Variants in GCM1 observed in about 807,000 individuals in gnomAD.
GCM1 encodes the protein chorion-specific transcription factor GCMa.
A neutral mutation model predicts 25.7 loss-of-function variants in GCM1; 2 were observed. That is an observed-to-expected ratio of 0.08 (90% confidence interval 0.03 to 0.24). The LOEUF (loss-of-function observed/expected upper bound fraction) is 0.24, where lower values mean the gene tolerates loss of function less well. Ranked by LOEUF, GCM1 falls within the 10% of genes least tolerant of loss-of-function variation. GCM1 has a pLI of 1.00. For missense variants in GCM1, 395 were observed against 538.7 expected, an observed-to-expected ratio of 0.73 and a Z score of 2.64; for synonymous variants, 183 against 195.7, an observed-to-expected ratio of 0.94 and a Z score of 0.54.
intron 2 of GCM1, among the ~76,000 whole-genome samples, chr6:53,137,842 G>A (rs1763821128): frequency 6.6e-6 from 1 of 152,192 alleles, no homozygotes; most frequent in Admixed American, 6.5e-5. Context: ...GAACCAGAAG[G>A]AGCGGAATGT....
At chr6:53,143,227 T>C (rs1457718648) in intron 2 of GCM1, among the ~76,000 whole-genome samples, 3 of 152,236 alleles carry the variant, frequency 2.0e-5, no homozygotes, top group Admixed American at 1.3e-4. Context: ...AATACATTTC[T>C]AAAACCAAAT....
rs1300834157 is a variant in GCM1, at chr6:53,130,792, T to C, written c.570+11A>G. ...TACTGCATGTATTGAACATACATAA[T>C]GAAGGATTACCCTGGTCTCTGTGCT... is the stretch of plus-strand genomic sequence containing the variant. On this transcript the variant is annotated intron_variant, in intron 5 of 5. Coordinates refer to ENST00000259803, the MANE Select transcript of GCM1 (RefSeq NM_003643.4). 2 of 1,612,212 alleles carry C rather than the reference T, an allele frequency of 1.2e-6. No homozygotes were observed. The highest frequency in any genetic ancestry group is 1.7e-5 in the Admixed American group (1 of 59,798).
intron 4 of GCM1, 124 bp from the exon 5 acceptor site, chr6:53,131,055 A>G: frequency 1.1e-6 from 1 of 869,830 alleles, no homozygotes; most frequent in South Asian, 1.6e-5. Flanking sequence ...TGCCTATGGT[A>G]ACCAGACTGG....
At chr6:53,147,816 G>A (rs754853301) in intron 1 of GCM1, among the ~76,000 whole-genome samples, 20 of 152,126 alleles carry the variant, frequency 1.3e-4, no homozygotes, top group African/African-American at 4.1e-4. Context: ...ATAAAAGACC[G>A]TTGACCTGAA....
chr6:53,140,195 C>T (rs887781843), intron 2 of GCM1, among the ~76,000 whole-genome samples: 4 of 152,126 alleles, frequency 2.6e-5, no homozygotes, highest in Non-Finnish European at 5.9e-5. Flanking sequence ...GCAAAGGGGG[C>T]AAAGTCACAG....
At chr6:53,138,468 T>C (rs916178834) in intron 2 of GCM1, among the ~76,000 whole-genome samples, 21 of 152,118 alleles carry the variant, frequency 1.4e-4, no homozygotes, top group African/African-American at 4.8e-4. Flanking sequence ...CAGATCTCAA[T>C]AATGCAGAGG....
At position 53,128,354 on chromosome 6, in the gene GCM1, G is replaced by C. The variant is rs551536061; in HGVS notation, c.1163C>G (p.Pro388Arg). The C allele has an allele frequency of 6.9e-5, 111 of 1,613,904 alleles. 2 individuals are homozygous for C. In the Middle Eastern group the frequency reaches 1.2e-3, roughly 17 times the overall value. The change falls in exon 6 of 6, where the codon CCC (proline) becomes CGC (arginine). Residue 388 changes from proline (P) to arginine (R), a missense_variant. This residue lies in a region of GCM1 where 291 missense variants were observed against 314.6 expected (regional missense o/e 0.92). Transcript: ENST00000259803. ...ATGAGAGGCGTAGGTGAAGAGAAAG[G>C]GGTCTTCTTGAGGTGAATGGTATGC... ...SPAYHSPQED[P>R]FLFTYASHPH...
chr6:53,139,485 A>AC (rs1250122927), intron 2 of GCM1, among the ~76,000 whole-genome samples: 2 of 100,890 alleles, frequency 2.0e-5, no homozygotes, highest in African/African-American at 7.7e-5. Flanking sequence ...AGATAGTAAG[A>AC]CCCCCATCTC....
intron 3 of GCM1, among the ~76,000 whole-genome samples, chr6:53,133,757 G>T (rs1763758839): frequency 6.6e-6 from 1 of 152,154 alleles, no homozygotes; most frequent in South Asian, 2.1e-4. Context: ...GCCTCCCAAA[G>T]TGCTGAGATT....
intron 4 of GCM1, 129 bp from the exon 5 acceptor site, chr6:53,131,060 G>A (rs1763718313): frequency 9.6e-6 from 8 of 829,412 alleles, no homozygotes; most frequent in Middle Eastern, 3.1e-4. Context: ...ATGGTAACCA[G>A]ACTGGATGAA....
Position 53,145,034 on chromosome 6 carries a change from C to G in GCM1, c.75+524G>C, listed in dbSNP as rs527936281. On this transcript the variant is annotated intron_variant, in intron 2 of 5. Transcript: ENST00000259803. ...AGAAAGAAAGAAAAAAGGAAGAAGG[C>G]AGGAAGGCAAGGCAAGGCGAAGGAA... Among the ~76,000 whole-genome samples, 22 of 149,858 alleles carry G rather than the reference C, an allele frequency of 1.5e-4. 1 individual carries two copies. The South Asian group carries it at 3.6e-3, about 25-fold the overall frequency.
chr6:53,133,492 A>G (rs980358915), intron 3 of GCM1, among the ~76,000 whole-genome samples: 1 of 149,580 alleles, frequency 6.7e-6, no homozygotes, highest in African/African-American at 2.5e-5. Context: ...GTGCCCGGCC[A>G]TTTTTCCTTT....
chr6:53,128,422 T>C lies in GCM1; in HGVS notation c.1095A>G (p.Glu365=). Residue 365 remains glutamate (E), a synonymous_variant, in exon 6 of 6, where the codon GAA becomes GAG. Coordinates refer to ENST00000259803, the MANE Select transcript of GCM1 (RefSeq NM_003643.4). The stretch of plus-strand genomic sequence containing the variant: ...TGTTAAAATCCACATGTACTTTCTC[T>C]TCATAAAGATTACCCGCTGGATTTG... ...LWPNPAGNLY[E]EKVHVDFNSY... is the part of the protein sequence containing the mutation. 1.2e-6 allele frequency: 2 copies of C among 1,614,010 alleles called. No homozygotes were observed. The highest frequency in any genetic ancestry group is 1.7e-6 in the Non-Finnish European group (2 of 1,179,878).
At chr6:53,131,764 T>C (rs1439052633) in intron 4 of GCM1, among the ~76,000 whole-genome samples, 4 of 152,164 alleles carry the variant, frequency 2.6e-5, no homozygotes, top group African/African-American at 9.7e-5. Flanking sequence ...AGCACTGTGC[T>C]AACCTCAGTG....
At chr6:53,142,960 A>G (rs1763902035) in intron 2 of GCM1, among the ~76,000 whole-genome samples, 1 of 148,620 alleles carries the variant, frequency 6.7e-6, no homozygotes, top group Non-Finnish European at 1.5e-5. Context: ...TGTACTTTTC[A>G]TAATACACCC....
intron 2 of GCM1, among the ~76,000 whole-genome samples, chr6:53,135,892 GAACTTTGT>G (rs1302341067): frequency 2.0e-5 from 3 of 152,248 alleles, no homozygotes; most frequent in Non-Finnish European, 4.4e-5. Flanking sequence ...ACGTGCCAAA[GAACTTTGT>G]AACTTGAGAC....
intron 2 of GCM1, among the ~76,000 whole-genome samples, chr6:53,139,731 C>T (rs914273863): frequency 6.6e-6 from 1 of 152,030 alleles, no homozygotes; most frequent in African/African-American, 2.4e-5. Flanking sequence ...CATGGTGGCA[C>T]ATGCCTGTAG....
At chr6:53,147,144 A>G (rs574227028) in intron 1 of GCM1, among the ~76,000 whole-genome samples, 3 of 152,346 alleles carry the variant, frequency 2.0e-5, no homozygotes, top group East Asian at 3.9e-4. Context: ...ATTTCTAACT[A>G]TAATTGGTTA....
chr6:53,146,650 G>T (rs1333841052), intron 1 of GCM1, among the ~76,000 whole-genome samples: 1 of 152,148 alleles, frequency 6.6e-6, no homozygotes, highest in Non-Finnish European at 1.5e-5. Context: ...ATCTGAAACA[G>T]GGTTTCTTAA....
Sources: gnomAD v4.1 joint callset for allele counts (sites outside exome capture counted in the v4.1 genomes callset) on GRCh38, gnomAD v4.1.1 for gene constraint, gnomAD v4.1.1 regional missense constraint, MANE v1.5 for transcripts, NCBI Gene and HGNC (gene_info 2026-07-23, HGNC 2026-07-21) for gene names.